RNASEH1: variants seen among roughly 807,000 people sequenced by gnomAD.
RNASEH1 encodes ribonuclease H1, also known as ribonuclease H type II.
In RNASEH1, 27 loss-of-function variants were observed where a neutral mutation model predicts 34.6. The ratio of observed to expected loss-of-function variants is 0.78; its 90% CI spans 0.58 to 1.08. RNASEH1 has a LOEUF of 1.08. Ranked by LOEUF, RNASEH1 falls within the 50% of genes least tolerant of loss-of-function variation. The pLI is 0.00. For synonymous variants in RNASEH1, 162 were observed against 138.4 expected, an observed-to-expected ratio of 1.17 and a Z score of -1.20; for missense variants, 349 against 373.6, an observed-to-expected ratio of 0.93 and a Z score of 0.54.
rs774762400 is a variant in RNASEH1, at chr2:3,552,279, C to G, written c.274G>C (p.Glu92Gln). Residue 92 changes from glutamate (E) to glutamine (Q), a missense_variant, in exon 3 of 8, where the codon GAG becomes CAG. By Grantham distance (29) the Glu-to-Gln change is conservative. This residue lies in a region of RNASEH1 where 256 missense variants were observed against 240.7 expected (regional missense o/e 1.06). Coordinates refer to ENST00000315212, the MANE Select transcript of RNASEH1 (RefSeq NM_002936.6). ...GHENQHGQES[E>Q]AKASKRLREP... The stretch of plus-strand genomic sequence containing the variant: ...CGGAGTCGCTTGCTGGCTTTCGCCT[C>G]CGATTCTTGTCCATGTTGATTTTCA... The G allele has an allele frequency of 3.5e-5, 57 of 1,613,944 alleles. No individual in the cohort carries two copies. The highest frequency in any genetic ancestry group is 4.7e-5 in the Non-Finnish European group (55 of 1,180,028).
In RNASEH1 at chr2:3,558,252, C is replaced by G; in HGVS notation, c.9G>C (p.Trp3Cys). 1 of 1,587,576 alleles carries G rather than the reference C, an allele frequency of 6.3e-7. No homozygotes were observed. The highest frequency in any genetic ancestry group is 8.5e-7 in the Non-Finnish European group (1 of 1,170,716). Residue 3 changes from tryptophan to cysteine, a missense_variant, in exon 1 of 8, where the codon TGG becomes TGC. Trp to Cys is a radical substitution (Grantham distance 215). Transcript: ENST00000315212. MS[W>C]LLFLAHRVAL... Reference sequence around the variant, plus strand: ...CGACTCTGTGGGCCAGGAACAGAAGCCAGCTCATCGCTCACTCCCGGCACC... The same window carrying G: ...CGACTCTGTGGGCCAGGAACAGAAGGCAGCTCATCGCTCACTCCCGGCACC...
chr2:3,538,923 G>A (rs1286958738), downstream of RNASEH1, among the ~76,000 whole-genome samples: 1 of 152,220 alleles, frequency 6.6e-6, no homozygotes, highest in Non-Finnish European at 1.5e-5. Flanking sequence ...GAGAAATGAT[G>A]TCTTGGTGTT....
intron 2 of RNASEH1, among the ~76,000 whole-genome samples, chr2:3,553,566 ATT>A (rs1660201317): frequency 7.6e-6 from 1 of 130,858 alleles, no homozygotes. Flanking sequence ...ATTTTTTTGT[ATT>A]TTTAGTAGAG....
chr2:3,548,652 A>G lies in RNASEH1; in HGVS notation c.637T>C (p.Phe213Leu). 2 of 1,593,284 alleles carry G rather than the reference A, an allele frequency of 1.3e-6. No individual in the cohort carries two copies. The highest frequency in any genetic ancestry group is 1.7e-6 in the Non-Finnish European group (2 of 1,162,388). The change falls in exon 6 of 8, where the codon TTT becomes CTT. Residue 213 changes from phenylalanine to leucine, a missense_variant. By Grantham distance (22) the Phe-to-Leu change is conservative (BLOSUM62 0). Coordinates refer to ENST00000315212, the MANE Select transcript of RNASEH1 (RefSeq NM_002936.6). Reference sequence around the variant, plus strand: ...TGTGAAAGCTTACCATTTATCGTAAACATACTGTCTGTATACAGAACCAGT... The same window carrying G: ...TGTGAAAGCTTACCATTTATCGTAAGCATACTGTCTGTATACAGAACCAGT... ...NKLVLYTDSM[F>L]TINGITNWVQ...
intron 7 of RNASEH1, 95 bp from the exon 8 acceptor site, chr2:3,545,966 T>C: frequency 1.2e-6 from 1 of 859,150 alleles, no homozygotes; most frequent in South Asian, 1.4e-5. Context: ...CAGAACAGAC[T>C]GCACAGCATA....
intron 5 of RNASEH1, 110 bp downstream of exon 5, chr2:3,548,948 T>C (rs1669019129): frequency 1.0e-6 from 1 of 974,022 alleles, no homozygotes; most frequent in Non-Finnish European, 1.6e-6. Context: ...TAAACCCGTC[T>C]CTCTTCAAAT....
In RNASEH1 at chr2:3,544,741, T is replaced by A. The variant is rs1209385334; in HGVS notation, c.*1044A>T. 1 of 152,202 alleles carries A rather than the reference T, an allele frequency of 6.6e-6. No homozygotes were observed. The highest frequency in any genetic ancestry group is 1.5e-5 in the Non-Finnish European group (1 of 68,040). 9.4% of individuals were successfully genotyped at this position (152,202 alleles called of 1,614,324 possible). A position where few individuals can be genotyped will look rare whatever the true frequency, so the allele number is the denominator to read the frequency against. On this transcript the variant is annotated 3_prime_UTR_variant, in exon 8 of 8. Coordinates refer to ENST00000315212, the MANE Select transcript of RNASEH1 (RefSeq NM_002936.6). ...CTGTATGTTTTTATAATAAAAAGGT[T>A]TAAAACTAAATAAATAATCATGTCA...
chr2:3,558,051 C>G (rs1342292053), intron 1 of RNASEH1, 82 bp downstream of exon 1: 1 of 1,485,536 alleles, frequency 6.7e-7, no homozygotes, highest in African/African-American at 1.4e-5. Context: ...CCGCCAGGCT[C>G]CCGCCGCCGG....
the RNASEH1 span, among the ~76,000 whole-genome samples, chr2:3,535,030 A>G: frequency 6.6e-6 from 1 of 152,192 alleles, no homozygotes; most frequent in African/African-American, 2.4e-5. Flanking sequence ...ACAGAGCTTC[A>G]GTCTGGGAAG....
rs1226356769 is a variant in RNASEH1 at position 3,550,426 on chromosome 2, C to A, written c.456G>T (p.Gly152=). The A allele has an allele frequency of 3.1e-6, 5 of 1,614,070 alleles. No individual in the cohort carries two copies. Among genetic ancestry groups the A allele is most frequent in the Non-Finnish European group, 4.2e-6 (5 of 1,180,020 alleles). ...CGATTCCTGCTCGCGGCCTTCTACG[C>A]CCATTACTGGAGCAGCAGCCATCAG... The part of the protein sequence containing the change: ...VYTDGCCSSN[G]RRRPRAGIGV... The change falls in exon 4 of 8, where the codon GGG becomes GGT. Residue 152 remains glycine, a synonymous_variant. Transcript: ENST00000315212.
At chr2:3,554,227 G>A (rs1309432984) in intron 2 of RNASEH1, among the ~76,000 whole-genome samples, 1 of 152,192 alleles carries the variant, frequency 6.6e-6, no homozygotes, top group Non-Finnish European at 1.5e-5. Flanking sequence ...TCTCCAAAAC[G>A]TTCCTCTAGG....
intron 4 of RNASEH1, among the ~76,000 whole-genome samples, 159 bp from the exon 5 acceptor site, chr2:3,549,271 AG>A (rs1669059110): frequency 6.6e-6 from 1 of 152,256 alleles, no homozygotes; most frequent in Non-Finnish European, 1.5e-5. Context: ...AGCAGCACAC[AG>A]GTTTCCACAC....
At position 3,542,006 on chromosome 2, in the gene RNASEH1, AAAC is replaced by A. The variant is rs1668344953; in HGVS notation, c.*3776_*3778del. Among the ~76,000 whole-genome samples, 1 of 152,228 alleles carries A rather than the reference AAAC, an allele frequency of 6.6e-6. No individual in the cohort carries two copies. The highest frequency in any genetic ancestry group is 6.5e-5 in the Admixed American group (1 of 15,274). On this transcript the variant is annotated 3_prime_UTR_variant, in exon 8 of 8. Coordinates refer to ENST00000315212, the MANE Select transcript of RNASEH1 (RefSeq NM_002936.6). ...TGTTCCTATTTTAAATAACAAAACA[AAAC>A]AAAAGTGGTACAATAACAACTTTTA...
chr2:3,550,202 G>A, intron 4 of RNASEH1, 171 bp downstream of exon 4: 1 of 488,176 alleles, frequency 2.0e-6, no homozygotes, highest in Non-Finnish European at 3.8e-6. Flanking sequence ...CTCACGTTCT[G>A]AAAAGCAATG....
rs896055795 is a variant in RNASEH1, at chr2:3,542,817, A to C, written c.*2968T>G. ...CTATGTAAAGGCCCCAGGACCCTGA[A>C]TTTGTATTGGGAATATCAATATAGG... On this transcript the variant is annotated 3_prime_UTR_variant, in exon 8 of 8. Coordinates refer to ENST00000315212, the MANE Select transcript of RNASEH1 (RefSeq NM_002936.6). Among the ~76,000 whole-genome samples the C allele has an allele frequency of 5.3e-5, 8 of 152,198 alleles. No homozygotes were observed. In the South Asian group the frequency reaches 1.2e-3, roughly 24 times the overall value.
intron 2 of RNASEH1, among the ~76,000 whole-genome samples, chr2:3,553,902 G>GA (rs1660238692): frequency 1.3e-5 from 2 of 152,184 alleles, no homozygotes; most frequent in African/African-American, 4.8e-5. Context: ...TGGGCTAGAT[G>GA]ATCTCAAACG....
chr2:3,550,406 C>A lies in RNASEH1; in HGVS notation c.476G>T (p.Gly159Val). The A allele has an allele frequency of 3.1e-6, 5 of 1,614,150 alleles. No individual in the cohort carries two copies. The highest frequency in any genetic ancestry group is 3.4e-6 in the Non-Finnish European group (4 of 1,180,012). The change falls in exon 4 of 8, where the codon GGA becomes GTA. Residue 159 changes from glycine (G) to valine (V), a missense_variant. Physicochemically the swap from Gly to Val is moderately radical, Grantham distance 109. This residue lies in a region of RNASEH1 where 256 missense variants were observed against 240.7 expected (regional missense o/e 1.06). Coordinates refer to ENST00000315212, the MANE Select transcript of RNASEH1 (RefSeq NM_002936.6). ...SSNGRRRPRA[G>V]IGVYWGPGHP... ...GCCTGGCCCCCAGTAAACGCCGATT[C>A]CTGCTCGCGGCCTTCTACGCCCATT... is the stretch of plus-strand genomic sequence containing the variant.
At chr2:3,549,703 T>C (rs1301419880) in intron 4 of RNASEH1, among the ~76,000 whole-genome samples, 2 of 151,482 alleles carry the variant, frequency 1.3e-5, no homozygotes, top group East Asian at 2.0e-4. Context: ...AGGACTCCTC[T>C]TGGGAGGCCG....
downstream of RNASEH1, among the ~76,000 whole-genome samples, chr2:3,537,474 G>C (rs1558439743): frequency 6.6e-6 from 1 of 152,192 alleles, no homozygotes; most frequent in Non-Finnish European, 1.5e-5. Context: ...TCTAACCCCA[G>C]CGTGTTGGGA....
Sources: allele counts gnomAD v4.1 joint callset (sites outside exome capture counted in the v4.1 genomes callset), GRCh38; gene constraint gnomAD v4.1.1; regional missense constraint gnomAD v4.1.1; transcripts MANE v1.5; gene names NCBI Gene and HGNC (gene_info 2026-07-23, HGNC 2026-07-21).